The following USP3 variants were observed in gnomAD, a reference collection of about 807,000 sequenced individuals.
USP3 encodes the protein ubiquitin specific peptidase 3.
USP3 carries 20 observed loss-of-function variants against 72.3 expected under a neutral mutation model. The ratio of observed to expected loss-of-function variants is 0.28; its 90% CI spans 0.19 to 0.40. The LOEUF is 0.40. Ranked by LOEUF, USP3 falls within the 10% of genes least tolerant of loss-of-function variation. The probability of loss-of-function intolerance (pLI) is 1.00; values close to 1 mark genes in which losing one functional copy is unlikely to be tolerated. For synonymous variants in USP3, 222 were observed against 225.3 expected, an observed-to-expected ratio of 0.99 and a Z score of 0.13; for missense variants, 479 against 633.9, an observed-to-expected ratio of 0.76 and a Z score of 2.62.
intron 1 of USP3, 141 bp from the exon 2 acceptor site, chr15:63,532,506 A>T: frequency 1.1e-6 from 1 of 873,276 alleles, no homozygotes; most frequent in Non-Finnish European, 1.9e-6. Flanking sequence ...CATTTTGTGT[A>T]AATGCATTCA....
At position 63,570,211 on chromosome 15, in the gene USP3, C is replaced by T. The variant is rs112366390; in HGVS notation, c.762-222C>T. Among the ~76,000 whole-genome samples the T allele has an allele frequency of 1.3e-5, 2 of 152,376 alleles. No homozygotes were observed. Among genetic ancestry groups the T allele is most frequent in the Admixed American group, 6.5e-5 (1 of 15,302 alleles). On this transcript the variant is annotated intron_variant, in intron 8 of 14. Coordinates refer to ENST00000380324, the MANE Select transcript of USP3 (RefSeq NM_006537.4). The surrounding 1 kb of genome is among the most constrained non-coding windows in gnomAD (Gnocchi z 4.4). ...AGGAGATCATTGCAAATCCAATTAGCTCCAATATTTTTTGGTTTTCAAACC... is the reference window on the plus strand; with the variant it reads ...AGGAGATCATTGCAAATCCAATTAGTTCCAATATTTTTTGGTTTTCAAACC...
chr15:63,531,622 C>T (rs555881522), intron 1 of USP3, among the ~76,000 whole-genome samples: 1 of 152,164 alleles, frequency 6.6e-6, no homozygotes, highest in Non-Finnish European at 1.5e-5. Context: ...TGTTGTGATA[C>T]GGGATTGGGC....
intron 3 of USP3, among the ~76,000 whole-genome samples, chr15:63,549,037 A>G (rs1175667015): frequency 6.6e-6 from 1 of 152,232 alleles, no homozygotes; most frequent in Non-Finnish European, 1.5e-5. Context: ...TAAAAAAGCA[A>G]AAAGAAACAG....
intron 1 of USP3, among the ~76,000 whole-genome samples, chr15:63,507,643 A>AT (rs1201644828): frequency 6.6e-6 from 1 of 152,212 alleles, no homozygotes; most frequent in Non-Finnish European, 1.5e-5. Context: ...CAAGATTACA[A>AT]GAAGTAAGAA....
At chr15:63,536,335 C>T (rs1282036420) in intron 2 of USP3, among the ~76,000 whole-genome samples, 3 of 151,950 alleles carry the variant, frequency 2.0e-5, no homozygotes, top group African/African-American at 7.3e-5. Context: ...CTGACTCTCA[C>T]ACTTTATGTT....
rs886675302 is a variant in USP3 at position 63,594,031 on chromosome 15, C to T, written c.*3205C>T. On this transcript the variant is annotated 3_prime_UTR_variant, in exon 15 of 15. Transcript: ENST00000380324. Reference sequence around the variant, plus strand: ...TGATGACAGATGTACTAGAATTAAACCAGTCAAGTGTACTGGCCCGGGGTG... The same window carrying T: ...TGATGACAGATGTACTAGAATTAAATCAGTCAAGTGTACTGGCCCGGGGTG... The T allele has an allele frequency of 6.6e-6, 1 of 152,392 alleles. No individual in the cohort carries two copies. Among genetic ancestry groups the T allele is most frequent in the South Asian group, 2.1e-4 (1 of 4,828 alleles). The allele number at this position is 152,392 out of a possible 1,614,324, so 9.4% of individuals were successfully genotyped here. A position where few individuals can be genotyped will look rare whatever the true frequency, so the allele number is the denominator to read the frequency against.
chr15:63,521,736 C>T (rs544843188), intron 1 of USP3, among the ~76,000 whole-genome samples: 105 of 152,158 alleles, frequency 6.9e-4, no homozygotes, highest in Non-Finnish European at 1.1e-3. Flanking sequence ...TAATTTAATT[C>T]ACAAGAGGTT....
chr15:63,522,039 T>G (rs961818163), intron 1 of USP3, among the ~76,000 whole-genome samples: 3 of 152,150 alleles, frequency 2.0e-5, no homozygotes, highest in African/African-American at 4.8e-5. Context: ...CCTTCCACGC[T>G]CAAGTTATTT....
chr15:63,537,823 T>C (rs2066181800), intron 3 of USP3, among the ~76,000 whole-genome samples: 1 of 152,066 alleles, frequency 6.6e-6, no homozygotes, highest in Non-Finnish European at 1.5e-5. Context: ...GTAGCTGGGA[T>C]TACAAGCATG....
intron 3 of USP3, among the ~76,000 whole-genome samples, chr15:63,547,757 GGAGGGAGAGAGA>G (rs2066357748): frequency 2.5e-5 from 1 of 39,618 alleles, no homozygotes; most frequent in African/African-American, 1.0e-4. Flanking sequence ...AGGGAGGGAG[GGAGGGAGAGAGA>G]GAGAGAGAGA....
At chr15:63,580,043 A>G (rs2066927265) in intron 11 of USP3, among the ~76,000 whole-genome samples, 1 of 152,198 alleles carries the variant, frequency 6.6e-6, no homozygotes, top group South Asian at 2.1e-4. Context: ...TATGTGTAAA[A>G]GATTTTAAAC....
intron 1 of USP3, among the ~76,000 whole-genome samples, chr15:63,524,362 T>C (rs1344838870): frequency 2.0e-5 from 3 of 152,174 alleles, no homozygotes; most frequent in Non-Finnish European, 4.4e-5. Context: ...GTGAGTTGTT[T>C]GGTGGGTGTG....
chr15:63,549,710 A>T (rs2066408756), intron 3 of USP3, among the ~76,000 whole-genome samples: 1 of 152,170 alleles, frequency 6.6e-6, no homozygotes, highest in Admixed American at 6.5e-5. Flanking sequence ...CTCTCCTTGG[A>T]TCTTCAAATC....
intron 1 of USP3, among the ~76,000 whole-genome samples, chr15:63,507,721 T>TTG (rs2065731882): frequency 3.9e-5 from 6 of 152,210 alleles, no homozygotes. Flanking sequence ...GGTTATATAA[T>TTG]TGTGTATGAC....
intron 1 of USP3, among the ~76,000 whole-genome samples, chr15:63,531,362 G>GT (rs149521511): frequency 0.13 from 19,395 of 152,164 alleles, 1,689 homozygotes; most frequent in South Asian, 0.2. Flanking sequence ...TACAAAACTG[G>GT]TTAATATCCT....
intron 9 of USP3, among the ~76,000 whole-genome samples, chr15:63,572,221 G>T (rs8029310): frequency 0.79 from 120,371 of 151,838 alleles, 49,509 homozygotes; most frequent in Non-Finnish European, 0.85. Context: ...AAATCTTGAT[G>T]AGTATCCATT....
intron 1 of USP3, among the ~76,000 whole-genome samples, chr15:63,512,399 C>T (rs1008191018): frequency 4.1e-5 from 6 of 145,162 alleles, no homozygotes; most frequent in Admixed American, 2.1e-4. Context: ...TTCTTTCTTC[C>T]TTCTTCTTCT....
chr15:63,521,521 C>A (rs755799195), intron 1 of USP3, among the ~76,000 whole-genome samples: 1 of 152,158 alleles, frequency 6.6e-6, no homozygotes, highest in Non-Finnish European at 1.5e-5. Context: ...AAATACTTAT[C>A]TATCGTAATT....
chr15:63,537,397 C>T (rs1310897058), intron 3 of USP3, among the ~76,000 whole-genome samples: 5 of 152,154 alleles, frequency 3.3e-5, no homozygotes, highest in Admixed American at 3.3e-4. Context: ...CCTCATCCAT[C>T]CTAGCTTCAA....
Sources: allele counts gnomAD v4.1 joint callset (sites outside exome capture counted in the v4.1 genomes callset), GRCh38; gene constraint gnomAD v4.1.1; non-coding constraint Gnocchi (gnomAD v3.1); transcripts MANE v1.5; gene names NCBI Gene and HGNC (gene_info 2026-07-23, HGNC 2026-07-21).